The following PVALEF variants were observed in gnomAD, a reference collection of about 807,000 sequenced individuals.
The protein encoded by PVALEF is parvalbumin-like EF-hand-containing protein.
Under a neutral mutation model 1.2 loss-of-function variants are expected in PVALEF, and 2 were observed. The observed-to-expected ratio is 1.68, with a 90% confidence interval of 0.69 to 5.28. The LOEUF is 5.28. Among genes scored for constraint, PVALEF ranks in the 30% most tolerant of loss-of-function variants. PVALEF has a pLI of 0.06. For missense variants in PVALEF, 35 were observed against 17.7 expected, an observed-to-expected ratio of 1.97 and a Z score of -1.75; for synonymous variants, 16 against 6.5, an observed-to-expected ratio of 2.47 and a Z score of -2.24.
At chr17:81,180,448 A>G (rs2061549936) in intron 3 of PVALEF, among the ~76,000 whole-genome samples, 1 of 152,050 alleles carries the variant, frequency 6.6e-6, no homozygotes, top group African/African-American at 2.4e-5. Flanking sequence ...GTCCTGCCCC[A>G]CATGCCCGCT....
At chr17:81,181,891 G>C (rs1406763011) in intron 5 of PVALEF, 75 bp from the exon 6 acceptor site, 2 of 398,212 alleles carry the variant, frequency 5.0e-6, no homozygotes, top group Non-Finnish European at 8.8e-6. Context: ...TACAAGGTGG[G>C]GGGCGAACGG....
At chr17:81,171,636 C>T (rs990562871) in intron 2 of PVALEF, among the ~76,000 whole-genome samples, 13 of 152,058 alleles carry the variant, frequency 8.5e-5, no homozygotes, top group Non-Finnish European at 1.8e-4. Context: ...GGACTACAGG[C>T]GCCCACCACC....
At chr17:81,172,826 A>T (rs1382850693) in intron 2 of PVALEF, among the ~76,000 whole-genome samples, 2 of 152,108 alleles carry the variant, frequency 1.3e-5, no homozygotes, top group African/African-American at 4.8e-5. Context: ...CACAACACGG[A>T]GTCATCTCCC....
intron 2 of PVALEF, among the ~76,000 whole-genome samples, chr17:81,170,361 C>G (rs923911822): frequency 6.6e-6 from 1 of 151,312 alleles, no homozygotes; most frequent in Non-Finnish European, 1.5e-5. Context: ...GCGTGTGTGT[C>G]TGTGCGTGTG....
rs145155506 is a variant in PVALEF at position 81,169,986 on chromosome 17, A to ATG, written c.-340+3152_-340+3153dup. Among the ~76,000 whole-genome samples the ATG allele has an allele frequency of 4.7e-5, 7 of 148,734 alleles. No individual in the cohort carries two copies. The South Asian group carries it at 8.6e-4, about 18-fold the overall frequency. On this transcript the variant is annotated intron_variant, in intron 2 of 6. Coordinates refer to ENST00000637878, the MANE Select transcript of PVALEF (RefSeq NM_001354639.2). ...TGTTGGTATGTGTACATGTGTGTGC[A>ATG]TGTGTGTGTGTTGGTGTGTCTGCAT...
In PVALEF at chr17:81,166,772, G is replaced by C. The variant is rs1437925398; in HGVS notation, c.-412G>C. 6.6e-6 allele frequency: 3 copies of C among 456,626 alleles called. No individual in the cohort carries two copies. Among genetic ancestry groups the C allele is most frequent in the South Asian group, 4.6e-5 (3 of 64,546 alleles). 28.3% of individuals were successfully genotyped at this position (456,626 alleles called of 1,614,324 possible). A position where few individuals can be genotyped will look rare whatever the true frequency, so the allele number is the denominator to read the frequency against. ...GGTGGCTGGCTTTGCACACAGGCCTGCTCCTGTACCGTGCTGCGACAGCCA... is the reference window on the plus strand; with the variant it reads ...GGTGGCTGGCTTTGCACACAGGCCTCCTCCTGTACCGTGCTGCGACAGCCA... On this transcript the variant is annotated 5_prime_UTR_variant, in exon 2 of 7. Coordinates refer to ENST00000637878, the MANE Select transcript of PVALEF (RefSeq NM_001354639.2).
chr17:81,177,003 T>A (rs1236739131), intron 2 of PVALEF, among the ~76,000 whole-genome samples: 2 of 147,908 alleles, frequency 1.4e-5, no homozygotes, highest in African/African-American at 5.0e-5. Flanking sequence ...CTCAGCTCAC[T>A]GCAACCTCTG....
intron 3 of PVALEF, 41 bp from the exon 4 acceptor site, chr17:81,181,082 A>T: frequency 1.8e-6 from 1 of 568,544 alleles, no homozygotes. Flanking sequence ...CCCTGGCATG[A>T]CCCCAACACT....
intron 2 of PVALEF, among the ~76,000 whole-genome samples, chr17:81,171,793 C>A (rs1332446693): frequency 6.6e-6 from 1 of 152,166 alleles, no homozygotes; most frequent in Non-Finnish European, 1.5e-5. Context: ...TGCCCGGCCA[C>A]ATATTTCCTT....
rs1370089902 is a variant in PVALEF at position 81,181,225 on chromosome 17, G to A, written c.-2G>A. 2 of 702,902 alleles carry A rather than the reference G, an allele frequency of 2.8e-6. No homozygotes were observed. The highest frequency in any genetic ancestry group is 3.5e-5 in the African/African-American group (2 of 57,268). The allele number at this position is 702,902 out of a possible 1,614,324, so 43.5% of individuals were successfully genotyped here. A position where few individuals can be genotyped will look rare whatever the true frequency, so the allele number is the denominator to read the frequency against. On this transcript the variant is annotated 5_prime_UTR_variant, in exon 4 of 7. Coordinates refer to ENST00000637878, the MANE Select transcript of PVALEF (RefSeq NM_001354639.2). ...TTGACTCCCTATCCACCCAGGACCA[G>A]GATGGAGGAGGACTTCTCCTCCCAG...
intron 2 of PVALEF, among the ~76,000 whole-genome samples, chr17:81,167,060 G>C (rs1233588603): frequency 1.3e-5 from 2 of 152,144 alleles, no homozygotes; most frequent in Non-Finnish European, 2.9e-5. Context: ...TGGGAGGCCA[G>C]GGCAGGCGGG....
intron 2 of PVALEF, among the ~76,000 whole-genome samples, chr17:81,175,173 T>TA: frequency 6.6e-6 from 1 of 152,270 alleles, no homozygotes; most frequent in South Asian, 2.1e-4. Context: ...ATTCCATGTA[T>TA]AGTACCATTG....
intron 2 of PVALEF, among the ~76,000 whole-genome samples, chr17:81,176,552 G>A (rs892868892): frequency 4.6e-5 from 7 of 151,196 alleles, no homozygotes; most frequent in Non-Finnish European, 8.8e-5. Context: ...ACAATGAGAT[G>A]CCACCTCACA....
chr17:81,182,170 G>A, intron 6 of PVALEF, 89 bp downstream of exon 6: 1 of 397,886 alleles, frequency 2.5e-6, no homozygotes. Context: ...CGAGGGCACT[G>A]GCACACAACT....
intron 3 of PVALEF, among the ~76,000 whole-genome samples, chr17:81,180,734 T>C (rs1359477961): frequency 2.6e-5 from 4 of 152,124 alleles, no homozygotes; most frequent in Non-Finnish European, 4.4e-5. Flanking sequence ...ATGGCCTCTC[T>C]ATCCAGAGGA....
At chr17:81,178,184 G>A (rs201989802) in intron 2 of PVALEF, among the ~76,000 whole-genome samples, 20 of 152,286 alleles carry the variant, frequency 1.3e-4, no homozygotes, top group Admixed American at 1.1e-3. Flanking sequence ...TATCATGACC[G>A]TCACCTTCAT....
intron 2 of PVALEF, among the ~76,000 whole-genome samples, chr17:81,176,996 A>G (rs1184949358): frequency 4.2e-5 from 6 of 143,358 alleles, no homozygotes. Context: ...GCGCGATCTC[A>G]GCTCACTGCA....
chr17:81,169,396 G>A (rs1254238752), intron 2 of PVALEF, among the ~76,000 whole-genome samples: 1 of 151,804 alleles, frequency 6.6e-6, no homozygotes, highest in Non-Finnish European at 1.5e-5. Flanking sequence ...TCAGGAGTTC[G>A]AGACCAGCCT....
chr17:81,167,338 C>CCACTCATTCATTCACT lies in PVALEF; in HGVS notation c.-340+536_-340+551dup, dbSNP rs1209436670. ...GCAGTTGAGTTTGATGCACCCTCATCCACTCATTCATTCACTCACTCATTC... is the reference window on the plus strand; with the variant it reads ...GCAGTTGAGTTTGATGCACCCTCATCCACTCATTCATTCACTCACTCATTCATTCACTCACTCATTC... On this transcript the variant is annotated intron_variant, in intron 2 of 6. Coordinates refer to ENST00000637878, the MANE Select transcript of PVALEF (RefSeq NM_001354639.2). Among the ~76,000 whole-genome samples the CCACTCATTCATTCACT allele has an allele frequency of 8.2e-3, 1,253 of 152,134 alleles. 22 individuals carry two copies. Among genetic ancestry groups the CCACTCATTCATTCACT allele is most frequent in the African/African-American group, 0.028 (1,172 of 41,390 alleles).
Sources: allele counts gnomAD v4.1 joint callset (sites outside exome capture counted in the v4.1 genomes callset), GRCh38; gene constraint gnomAD v4.1.1; transcripts MANE v1.5; gene names NCBI Gene and HGNC (gene_info 2026-07-23, HGNC 2026-07-21).